PCED1B: variants seen among roughly 807,000 people sequenced by gnomAD.
The protein encoded by PCED1B is PC-esterase domain containing 1B.
For missense variants in PCED1B, 573 were observed against 573.9 expected, an observed-to-expected ratio of 1.00 and a Z score of 0.02; for synonymous variants, 251 against 246.1, an observed-to-expected ratio of 1.02 and a Z score of -0.19.
In PCED1B at chr12:47,222,603, A is replaced by C. The variant is rs76848079; in HGVS notation, c.-58+5914A>C. Among the ~76,000 whole-genome samples, 92 of 152,274 alleles carry C rather than the reference A, an allele frequency of 6.0e-4. 1 individual carries two copies. Among genetic ancestry groups the C allele is most frequent in the Non-Finnish European group, 1.0e-3 (71 of 68,018 alleles). On this transcript the variant is annotated intron_variant, in intron 3 of 3. Coordinates refer to ENST00000546455, the MANE Select transcript of PCED1B (RefSeq NM_138371.3). ...AAGATAATAGCTACATTCACTGAGC[A>C]CTTAGAAATGTGGCGGTGTCATGCT... is the stretch of plus-strand genomic sequence containing the variant.
chr12:47,220,088 A>AGAAGAAG (rs200317644), intron 3 of PCED1B, among the ~76,000 whole-genome samples: 7 of 133,148 alleles, frequency 5.3e-5, no homozygotes, highest in Admixed American at 1.5e-4. Context: ...AAAAAAAAAA[A>AGAAGAAG]AAGAAGAAGA....
intron 2 of PCED1B, among the ~76,000 whole-genome samples, chr12:47,149,520 T>C (rs1017582450): frequency 1.3e-5 from 2 of 152,260 alleles, no homozygotes; most frequent in Non-Finnish European, 2.9e-5. Context: ...GGTGCACTTA[T>C]GTTTCAGGGT....
intron 2 of PCED1B, among the ~76,000 whole-genome samples, chr12:47,176,626 G>T (rs1312170776): frequency 1.3e-5 from 2 of 152,164 alleles, no homozygotes; most frequent in Non-Finnish European, 2.9e-5. Flanking sequence ...CAAGTAAACT[G>T]TTTTCCTGGG....
chr12:47,096,201 G>C (rs780047744), intron 1 of PCED1B, among the ~76,000 whole-genome samples: 6 of 151,940 alleles, frequency 3.9e-5, no homozygotes, highest in African/African-American at 1.5e-4. Flanking sequence ...ATATCCCATA[G>C]TTAATCATAC....
intron 2 of PCED1B, among the ~76,000 whole-genome samples, chr12:47,130,288 A>G (rs1940072363): frequency 6.6e-6 from 1 of 152,202 alleles, no homozygotes; most frequent in African/African-American, 2.4e-5. Context: ...AGATAGGAAA[A>G]TTGAAATTGG....
intron 2 of PCED1B, among the ~76,000 whole-genome samples, chr12:47,170,162 A>G (rs1565579978): frequency 6.6e-6 from 1 of 152,106 alleles, no homozygotes; most frequent in Non-Finnish European, 1.5e-5. Flanking sequence ...CCCTTAATCC[A>G]TTTAACCCTG....
chr12:47,089,238 C>T (rs957617810), intron 1 of PCED1B, among the ~76,000 whole-genome samples: 6 of 151,588 alleles, frequency 4.0e-5, no homozygotes, highest in Non-Finnish European at 5.9e-5. Context: ...GTCAGGAGAT[C>T]GAGACCATCC....
intron 2 of PCED1B, among the ~76,000 whole-genome samples, chr12:47,155,983 G>A (rs1043943324): frequency 3.9e-5 from 6 of 152,152 alleles, no homozygotes; most frequent in African/African-American, 1.4e-4. Context: ...CAGACATAAT[G>A]GGGCTAATGC....
In PCED1B at chr12:47,216,464, T is replaced by C. The variant is rs1257437470; in HGVS notation, c.-283T>C. 3.9e-5 allele frequency: 6 copies of C among 152,262 alleles called. No individual in the cohort carries two copies. Among genetic ancestry groups the C allele is most frequent in the Non-Finnish European group, 8.8e-5 (6 of 68,044 alleles). 9.4% of individuals were successfully genotyped at this position (152,262 alleles called of 1,614,324 possible). ...CTTCCTAAAGCAAGAAACTAAATGCTGACTTGTGTCGTTTGCCCCAGATGC... is the reference window on the plus strand; with the variant it reads ...CTTCCTAAAGCAAGAAACTAAATGCCGACTTGTGTCGTTTGCCCCAGATGC... On this transcript the variant is annotated 5_prime_UTR_variant, in exon 3 of 4. Transcript: ENST00000546455.
chr12:47,081,835 G>A (rs910813325), intron 1 of PCED1B, among the ~76,000 whole-genome samples: 2 of 152,134 alleles, frequency 1.3e-5, no homozygotes, highest in African/African-American at 4.8e-5. Flanking sequence ...TGCAAAAATA[G>A]TCTAAAAAGA....
chr12:47,085,941 C>G lies in PCED1B; in HGVS notation c.-609+6216C>G, dbSNP rs112813950. Among the ~76,000 whole-genome samples, 15 of 151,900 alleles carry G rather than the reference C, an allele frequency of 9.9e-5. No individual in the cohort carries two copies. In the South Asian group the frequency reaches 3.1e-3, roughly 31 times the overall value. On this transcript the variant is annotated intron_variant, in intron 1 of 3. Transcript: ENST00000546455. ...TCAGGCAGGAAGTGACTCAGACCTC[C>G]CCTGTTTGAGGCATGATAATTGCTG...
At chr12:47,197,685 T>C (rs989101423) in intron 2 of PCED1B, among the ~76,000 whole-genome samples, 1 of 151,590 alleles carries the variant, frequency 6.6e-6, no homozygotes, top group Admixed American at 6.6e-5. Flanking sequence ...CATAAATTAC[T>C]AATAATCAGA....
chr12:47,099,098 G>T (rs1323754469), intron 1 of PCED1B, among the ~76,000 whole-genome samples: 1 of 152,100 alleles, frequency 6.6e-6, no homozygotes. Context: ...CTTCAGTTTG[G>T]CCCTTCTCGC....
intron 2 of PCED1B, chr12:47,210,693 A>G (rs1339996966): frequency 1.3e-5 from 2 of 152,208 alleles, no homozygotes; most frequent in African/African-American, 4.8e-5. Flanking sequence ...TGAACCCAGG[A>G]GGTGGAGGCT....
chr12:47,126,417 G>A (rs982712805), intron 2 of PCED1B, among the ~76,000 whole-genome samples: 3 of 151,986 alleles, frequency 2.0e-5, no homozygotes, highest in African/African-American at 7.2e-5. Flanking sequence ...CTAAACTTTT[G>A]TTAAGCACTT....
At chr12:47,133,269 G>C (rs769044941) in intron 2 of PCED1B, among the ~76,000 whole-genome samples, 2 of 152,150 alleles carry the variant, frequency 1.3e-5, no homozygotes, top group Non-Finnish European at 2.9e-5. Context: ...CAAGGTCCAT[G>C]ATTTCTGTGG....
chr12:47,229,590 C>A (rs1297789938), intron 3 of PCED1B, among the ~76,000 whole-genome samples: 5 of 151,968 alleles, frequency 3.3e-5, no homozygotes, highest in Admixed American at 6.6e-5. Flanking sequence ...ATACACATAG[C>A]CTGAAGGTAA....
intron 2 of PCED1B, among the ~76,000 whole-genome samples, chr12:47,186,589 T>C (rs1264776866): frequency 6.6e-6 from 1 of 152,072 alleles, no homozygotes; most frequent in Non-Finnish European, 1.5e-5. Flanking sequence ...CAAGTCAAAA[T>C]AATCCATATG....
intron 2 of PCED1B, among the ~76,000 whole-genome samples, chr12:47,125,613 A>G (rs1358303204): frequency 6.6e-6 from 1 of 152,012 alleles, no homozygotes; most frequent in Non-Finnish European, 1.5e-5. Flanking sequence ...AGACATCTTA[A>G]TAGTACTGAA....
Sources: allele counts gnomAD v4.1 joint callset (sites outside exome capture counted in the v4.1 genomes callset), GRCh38; gene constraint gnomAD v4.1.1; transcripts MANE v1.5; gene names NCBI Gene and HGNC (gene_info 2026-07-23, HGNC 2026-07-21).